The following ADRA1A variants were observed in gnomAD, a reference collection of about 807,000 sequenced individuals.
ADRA1A encodes the protein adrenoceptor alpha 1A, also known as alpha-1A adrenergic receptor.
Under a neutral mutation model 29.6 loss-of-function variants are expected in ADRA1A, and 31 were observed. The observed-to-expected ratio is 1.05, with a 90% CI of 0.79 to 1.41. The LOEUF is 1.41. Ranked by LOEUF, ADRA1A falls within the 40% of genes most tolerant of loss-of-function variation. ADRA1A has a pLI of 0.00. For missense variants in ADRA1A, 619 were observed against 601.1 expected (o/e 1.03, Z -0.31); for synonymous variants, 311 against 254.3 (o/e 1.22, Z -2.12).
intron 2 of ADRA1A, among the ~76,000 whole-genome samples, chr8:26,791,751 T>C (rs537389471): frequency 6.6e-6 from 1 of 152,326 alleles, no homozygotes; most frequent in African/African-American, 2.4e-5. Flanking sequence ...TATTCATTCA[T>C]GTTCCCTCTT....
At chr8:26,784,004 A>G (rs778967921) in intron 2 of ADRA1A, among the ~76,000 whole-genome samples, 4 of 151,828 alleles carry the variant, frequency 2.6e-5, no homozygotes, top group Non-Finnish European at 4.4e-5. Context: ...GGGGGGAACA[A>G]CATACACTGG....
chr8:26,832,903 GGAA>G (rs764893608), intron 2 of ADRA1A, among the ~76,000 whole-genome samples: 92 of 152,296 alleles, frequency 6.0e-4, no homozygotes, highest in Middle Eastern at 6.8e-3. Context: ...GCTGCCTGCA[GGAA>G]GAAGGAGACT....
chr8:26,842,866 TAC>T (rs57750998), intron 2 of ADRA1A, among the ~76,000 whole-genome samples: 5,736 of 142,668 alleles, frequency 0.04, 212 homozygotes, highest in African/African-American at 0.099. Context: ...TCTCTCTTTC[TAC>T]ACACACACAC....
At chr8:26,788,474 C>A (rs1807570518) in intron 2 of ADRA1A, among the ~76,000 whole-genome samples, 1 of 152,140 alleles carries the variant, frequency 6.6e-6, no homozygotes, top group South Asian at 2.1e-4. Flanking sequence ...ATCTCATAAC[C>A]CATGTGGAGA....
At chr8:26,851,243 T>C (rs1341685747) in intron 2 of ADRA1A, among the ~76,000 whole-genome samples, 1 of 152,070 alleles carries the variant, frequency 6.6e-6, no homozygotes, top group Non-Finnish European at 1.5e-5. Flanking sequence ...TCACCTTCCA[T>C]GGGCAAAGGT....
At chr8:26,756,917 C>G in intron 2 of ADRA1A, 4 of 1,319,480 alleles carry the variant, frequency 3.0e-6, no homozygotes, top group Admixed American at 2.4e-5. Flanking sequence ...TCCATTTTTC[C>G]AAGTTCAGAC....
Position 26,759,358 on chromosome 8 carries a change from A to T in ADRA1A, c.1270-2579T>A, listed in dbSNP as rs145101296. 5.1e-3 allele frequency among the ~76,000 whole-genome samples: 773 copies of T among 152,344 alleles called. 9 individuals are homozygous for T. The highest frequency in any genetic ancestry group is 0.018 in the African/African-American group (728 of 41,574). On this transcript the variant is annotated intron_variant, in intron 2 of 2. Coordinates refer to the ADRA1A transcript ENST00000380582. ...CTCAGTTTTTATTCAATTACTTCCC[A>T]ATAAAAGTATGACTCTTTTTTTTTA...
intron 2 of ADRA1A, among the ~76,000 whole-genome samples, chr8:26,790,097 G>T (rs181326500): frequency 1.7e-3 from 259 of 152,258 alleles, no homozygotes; most frequent in Non-Finnish European, 3.4e-3. Context: ...CAGCAATCCA[G>T]CTACTGGGTA....
chr8:26,843,568 CA>C (rs1811986422), intron 2 of ADRA1A, among the ~76,000 whole-genome samples: 1 of 152,096 alleles, frequency 6.6e-6, no homozygotes, highest in Non-Finnish European at 1.5e-5. Context: ...CTCTATGAGG[CA>C]GTTAAAACTA....
At chr8:26,760,799 C>T (rs1418227457) in intron 2 of ADRA1A, among the ~76,000 whole-genome samples, 1 of 152,210 alleles carries the variant, frequency 6.6e-6, no homozygotes, top group Non-Finnish European at 1.5e-5. Flanking sequence ...CTCGAGATGG[C>T]TGTGATTCCC....
chr8:26,867,202 A>G lies in ADRA1A; in HGVS notation c.-953T>C. 5.1e-6 allele frequency: 5 copies of G among 985,480 alleles called. No homozygotes were observed. The highest frequency in any genetic ancestry group is 6.0e-6 in the Non-Finnish European group (5 of 829,960). 61.0% of individuals were successfully genotyped at this position (985,480 alleles called of 1,614,324 possible). ...AATGCAGATAACCGGTAACTCCACA[A>G]TCACCCTTTTAATATTCAGCTCCCC... On this transcript the variant is annotated 5_prime_UTR_variant, in exon 1 of 3. Transcript: ENST00000380573.
rs1447904516 is a variant in ADRA1A, at chr8:26,806,541, C to A, written c.884-35875G>T. Among the ~76,000 whole-genome samples, 1 of 152,114 alleles carries A rather than the reference C, an allele frequency of 6.6e-6. No individual in the cohort carries two copies. The highest frequency in any genetic ancestry group is 2.4e-5 in the African/African-American group (1 of 41,432). ...ACTCCTCTCCAGATGGTGTGGGAAT[C>A]CAGATAGCAACTCATCACTAAGGAG... is the stretch of plus-strand genomic sequence containing the variant. On this transcript the variant is annotated intron_variant, in intron 2 of 2. Coordinates refer to ENST00000380573, the MANE Select transcript of ADRA1A (RefSeq NM_000680.4). This position sits in a 1 kb window ranked among gnomAD's most constrained non-coding sequence, Gnocchi z 4.6.
chr8:26,803,772 G>C (rs886877687), intron 2 of ADRA1A, among the ~76,000 whole-genome samples: 2 of 152,146 alleles, frequency 1.3e-5, no homozygotes, highest in African/African-American at 4.8e-5. Flanking sequence ...ATAGACACTT[G>C]ACATAGGAAG....
intron 2 of ADRA1A, chr8:26,756,790 C>G: frequency 6.2e-7 from 1 of 1,610,570 alleles, no homozygotes; most frequent in Non-Finnish European, 8.5e-7. Context: ...CTTTAAAACA[C>G]AAGGTAGACT....
chr8:26,751,621 C>T (rs1804929437), downstream of ADRA1A, among the ~76,000 whole-genome samples: 1 of 152,218 alleles, frequency 6.6e-6, no homozygotes, highest in South Asian at 2.1e-4. Flanking sequence ...AATACTGCCA[C>T]ACATATCTCA....
chr8:26,811,193 T>C (rs577711912), intron 2 of ADRA1A, among the ~76,000 whole-genome samples: 2 of 143,310 alleles, frequency 1.4e-5, no homozygotes, highest in East Asian at 4.7e-4. Flanking sequence ...TTTCTTTCTT[T>C]TCTTTTTTTT....
intron 2 of ADRA1A, chr8:26,748,808 T>C: frequency 2.5e-6 from 1 of 395,660 alleles, no homozygotes; most frequent in Non-Finnish European, 4.9e-6. Context: ...CCACTGAATT[T>C]ATTCAGCATG....
At chr8:26,765,765 C>T (rs1031463541), downstream of ADRA1A, 12 of 1,177,512 alleles carry the variant, frequency 1.0e-5, no homozygotes, top group African/African-American at 1.9e-4. Flanking sequence ...CACACAGAGG[C>T]AGCATCTTTT....
At position 26,775,162 on chromosome 8, in the gene ADRA1A, T is replaced by A. The variant is rs1806455990; in HGVS notation, c.884-4496A>T. Among the ~76,000 whole-genome samples, 1 of 152,154 alleles carries A rather than the reference T, an allele frequency of 6.6e-6. No individual in the cohort carries two copies. The highest frequency in any genetic ancestry group is 6.5e-5 in the Admixed American group (1 of 15,280). On this transcript the variant is annotated intron_variant, in intron 2 of 2. Transcript: ENST00000380573. This position sits in a 1 kb window ranked among gnomAD's most constrained non-coding sequence, Gnocchi z 4.1. The stretch of plus-strand genomic sequence containing the variant: ...AGAGTCTTGAAGGCATTCTCCTAGT[T>A]TTTGCTGCATGAATGGCCGACCTTC...
Sources: gnomAD v4.1 joint callset for allele counts (sites outside exome capture counted in the v4.1 genomes callset) on GRCh38, gnomAD v4.1.1 for gene constraint, Gnocchi (gnomAD v3.1) non-coding constraint, MANE v1.5 for transcripts, NCBI Gene and HGNC (gene_info 2026-07-23, HGNC 2026-07-21) for gene names.